The following CSGALNACT1 variants were observed in gnomAD, a reference collection of about 807,000 sequenced individuals.
CSGALNACT1 encodes chondroitin sulfate N-acetylgalactosaminyltransferase 1.
Under a neutral mutation model 51.0 loss-of-function variants are expected in CSGALNACT1, and 52 were observed. That is an observed-to-expected ratio of 1.02 (90% confidence interval 0.82 to 1.29). The LOEUF (loss-of-function observed/expected upper bound fraction) is 1.29. CSGALNACT1 is among the 50% of genes most tolerant of loss of function. The probability of loss-of-function intolerance (pLI) is 0.00; values close to 1 mark genes in which losing one functional copy is unlikely to be tolerated. For synonymous variants in CSGALNACT1, 341 were observed against 254.4 expected, an observed-to-expected ratio of 1.34 and a Z score of -3.24; for missense variants, 935 against 679.2, an observed-to-expected ratio of 1.38 and a Z score of -4.19.
intron 3 of CSGALNACT1, among the ~76,000 whole-genome samples, chr8:19,533,818 A>G (rs1029320085): frequency 6.6e-6 from 1 of 152,210 alleles, no homozygotes; most frequent in Non-Finnish European, 1.5e-5. Context: ...TCTCCAAAAC[A>G]TATGCAGTCT....
At chr8:19,503,829 T>C (rs1010077751) in intron 4 of CSGALNACT1, among the ~76,000 whole-genome samples, 7 of 152,246 alleles carry the variant, frequency 4.6e-5, no homozygotes, top group African/African-American at 1.7e-4. Flanking sequence ...GTAAAAGATT[T>C]CTTTACCTGG....
At chr8:19,677,275 A>AT (rs1483821681) in intron 1 of CSGALNACT1, among the ~76,000 whole-genome samples, 5 of 151,992 alleles carry the variant, frequency 3.3e-5, no homozygotes, top group Middle Eastern at 3.2e-3. Context: ...CGCCTAGCTA[A>AT]TTTTTTTATA....
intron 4 of CSGALNACT1, among the ~76,000 whole-genome samples, chr8:19,474,129 G>C (rs1259508634): frequency 2.0e-5 from 3 of 152,062 alleles, no homozygotes; most frequent in Non-Finnish European, 4.4e-5. Context: ...CTTCTGATGA[G>C]AGATAAGCTA....
At chr8:19,517,018 C>G (rs146592848) in intron 3 of CSGALNACT1, among the ~76,000 whole-genome samples, 5 of 152,206 alleles carry the variant, frequency 3.3e-5, no homozygotes, top group African/African-American at 4.8e-5. Context: ...AGTTGAGATG[C>G]CTCAAACCTG....
chr8:19,436,412 C>T (rs901254085), intron 6 of CSGALNACT1, among the ~76,000 whole-genome samples: 2 of 152,076 alleles, frequency 1.3e-5, no homozygotes, highest in Non-Finnish European at 2.9e-5. Flanking sequence ...GCCTGAGTAA[C>T]GACCTCATTA....
rs148730950 is a variant in CSGALNACT1 at position 19,569,335 on chromosome 8, C to T, written c.-297+21825G>A. Among the ~76,000 whole-genome samples the T allele has an allele frequency of 3.8e-3, 580 of 152,302 alleles. 2 individuals carry two copies. Among genetic ancestry groups the T allele is most frequent in the Middle Eastern group, 6.8e-3 (2 of 294 alleles). On this transcript the variant is annotated intron_variant, in intron 3 of 9. Transcript: ENST00000454498. ...GCACTTGATCATAACTTGACTCACA[C>T]TGCTGATGGACTATTCTCTCTGACA...
intron 1 of CSGALNACT1, among the ~76,000 whole-genome samples, chr8:19,721,364 A>C (rs750138305): frequency 2.0e-5 from 3 of 152,210 alleles, no homozygotes; most frequent in Non-Finnish European, 2.9e-5. Flanking sequence ...AAAGTACAGA[A>C]ATCACTGTTT....
At chr8:19,444,659 T>A (rs1169312875) in intron 5 of CSGALNACT1, among the ~76,000 whole-genome samples, 1 of 152,228 alleles carries the variant, frequency 6.6e-6, no homozygotes, top group Non-Finnish European at 1.5e-5. Context: ...TTCAATGCTT[T>A]TAATGATGAC....
intron 1 of CSGALNACT1, among the ~76,000 whole-genome samples, chr8:19,716,975 T>C (rs1300084982): frequency 1.3e-5 from 2 of 152,142 alleles, no homozygotes; most frequent in African/African-American, 4.8e-5. Context: ...CCCCACTCAG[T>C]TGTTGCATGG....
At chr8:19,514,658 CAA>C (rs551285523) in intron 3 of CSGALNACT1, among the ~76,000 whole-genome samples, 5 of 135,608 alleles carry the variant, frequency 3.7e-5, no homozygotes, top group African/African-American at 5.5e-5. Context: ...CCGTCTCTAC[CAA>C]AAAAAAAAAA....
upstream of CSGALNACT1, among the ~76,000 whole-genome samples, chr8:19,685,693 C>T (rs538973605): frequency 2.0e-5 from 3 of 152,202 alleles, no homozygotes; most frequent in Non-Finnish European, 4.4e-5. Context: ...TGAGATGGAA[C>T]GATGGTCCCT....
intron 1 of CSGALNACT1, among the ~76,000 whole-genome samples, chr8:19,636,447 A>T (rs897404536): frequency 3.9e-5 from 6 of 152,196 alleles, no homozygotes; most frequent in African/African-American, 1.4e-4. Context: ...CGATACCAAA[A>T]TCCAAGAGAA....
chr8:19,607,154 CAAAAA>C (rs5889878), upstream of CSGALNACT1, among the ~76,000 whole-genome samples: 1 of 124,084 alleles, frequency 8.1e-6, no homozygotes, highest in Non-Finnish European at 1.8e-5. Flanking sequence ...GACTCCGTCT[CAAAAA>C]AAAAAAAAAA....
chr8:19,424,315 G>C (rs1040620471), intron 6 of CSGALNACT1, among the ~76,000 whole-genome samples: 1 of 152,104 alleles, frequency 6.6e-6, no homozygotes, highest in Non-Finnish European at 1.5e-5. Flanking sequence ...ATTATGCTCA[G>C]CTAGGGGTCC....
chr8:19,729,073 A>G (rs1049519897), intron 1 of CSGALNACT1, among the ~76,000 whole-genome samples: 2 of 151,850 alleles, frequency 1.3e-5, no homozygotes, highest in African/African-American at 2.4e-5. Flanking sequence ...TATTCCGTGG[A>G]TAAGTCCTTA....
At chr8:19,442,441 A>T (rs912055504) in intron 5 of CSGALNACT1, among the ~76,000 whole-genome samples, 1 of 152,080 alleles carries the variant, frequency 6.6e-6, no homozygotes, top group Non-Finnish European at 1.5e-5. Flanking sequence ...GAAACTGGAA[A>T]CCATCATTCT....
rs531559221 is a variant in CSGALNACT1 at position 19,518,094 on chromosome 8, G to C, written c.-296-11964C>G. Among the ~76,000 whole-genome samples the C allele has an allele frequency of 7.9e-5, 12 of 152,270 alleles. No homozygotes were observed. In the South Asian group the frequency reaches 2.5e-3, roughly 32 times the overall value. On this transcript the variant is annotated intron_variant, in intron 3 of 9. Coordinates refer to ENST00000454498, the Ensembl canonical transcript of CSGALNACT1. Reference sequence around the variant, plus strand: ...GAAATGCATGCTGTTAATTAACAAAGAGGGGACTAATTTAAAAATGAGCAA... The same window carrying C: ...GAAATGCATGCTGTTAATTAACAAACAGGGGACTAATTTAAAAATGAGCAA...
chr8:19,731,729 C>G (rs1357541977), intron 1 of CSGALNACT1, among the ~76,000 whole-genome samples: 1 of 152,170 alleles, frequency 6.6e-6, no homozygotes, highest in Non-Finnish European at 1.5e-5. Flanking sequence ...AATAGTTGCA[C>G]TATGTATATT....
intron 1 of CSGALNACT1, among the ~76,000 whole-genome samples, chr8:19,641,167 C>G (rs918850772): frequency 7.3e-6 from 1 of 137,296 alleles, no homozygotes; most frequent in Admixed American, 7.9e-5. Flanking sequence ...AACCAACCCT[C>G]TCTCTCCCCT....
Sources: allele counts gnomAD v4.1 joint callset (sites outside exome capture counted in the v4.1 genomes callset), GRCh38; gene constraint gnomAD v4.1.1; transcripts MANE v1.5; gene names NCBI Gene and HGNC (gene_info 2026-07-23, HGNC 2026-07-21).